DSCAM: variants seen among roughly 807,000 people sequenced by gnomAD.
The protein encoded by DSCAM is cell adhesion molecule DSCAM.
In DSCAM, 47 loss-of-function variants were observed where a neutral mutation model predicts 217.7. That is an observed-to-expected ratio of 0.22 (90% CI 0.17 to 0.28). The LOEUF is 0.28. Ranked by LOEUF, DSCAM falls within the 10% of genes least tolerant of loss-of-function variation. DSCAM has a pLI of 1.00. For synonymous variants in DSCAM, 1,056 were observed against 1,015.3 expected, an observed-to-expected ratio of 1.04 and a Z score of -0.76; for missense variants, 2,080 against 2,618.3, an observed-to-expected ratio of 0.79 and a Z score of 4.49.
At chr21:40,511,705 T>C (rs1197525184) in intron 3 of DSCAM, among the ~76,000 whole-genome samples, 1 of 152,102 alleles carries the variant, frequency 6.6e-6, no homozygotes, top group African/African-American at 2.4e-5. Context: ...ACAAAAAGTA[T>C]TCTCGGCCGG....
intron 3 of DSCAM, among the ~76,000 whole-genome samples, chr21:40,427,059 C>G (rs2075481552): frequency 6.6e-6 from 1 of 152,170 alleles, no homozygotes; most frequent in Admixed American, 6.5e-5. Context: ...TGTTCTGATT[C>G]CAGGCTCACC....
chr21:40,793,470 G>A (rs2091664865), intron 1 of DSCAM, among the ~76,000 whole-genome samples: 1 of 152,014 alleles, frequency 6.6e-6, no homozygotes, highest in Non-Finnish European at 1.5e-5. Flanking sequence ...CAAAAAATAT[G>A]AAATTGTTCT....
chr21:40,757,959 G>A (rs2091292203), intron 1 of DSCAM, among the ~76,000 whole-genome samples: 1 of 152,274 alleles, frequency 6.6e-6, no homozygotes, highest in African/African-American at 2.4e-5. Context: ...TAAGAACTTT[G>A]TAGATGTCAT....
At chr21:40,771,886 G>A (rs1448699139) in intron 1 of DSCAM, among the ~76,000 whole-genome samples, 4 of 151,674 alleles carry the variant, frequency 2.6e-5, no homozygotes, top group East Asian at 1.9e-4. Context: ...GGGAACGTGC[G>A]TATGTCGCAT....
intron 24 of DSCAM, among the ~76,000 whole-genome samples, chr21:40,083,519 C>T (rs775492365): frequency 2.0e-5 from 3 of 152,258 alleles, no homozygotes; most frequent in African/African-American, 4.8e-5. Flanking sequence ...TTTACATCTA[C>T]ACTTTAGGTC....
At chr21:40,828,179 G>A (rs757104297) in intron 1 of DSCAM, among the ~76,000 whole-genome samples, 2 of 152,156 alleles carry the variant, frequency 1.3e-5, no homozygotes, top group Non-Finnish European at 2.9e-5. Context: ...GAGGCGGGGG[G>A]ACTGTTTGAG....
At chr21:40,642,565 C>T (rs2089896214) in intron 3 of DSCAM, among the ~76,000 whole-genome samples, 1 of 152,030 alleles carries the variant, frequency 6.6e-6, no homozygotes, top group African/African-American at 2.4e-5. Flanking sequence ...ACAAGCTCTC[C>T]TGTAATTCTA....
intron 11 of DSCAM, among the ~76,000 whole-genome samples, chr21:40,254,203 AC>A (rs2047843975): frequency 6.6e-6 from 1 of 152,192 alleles, no homozygotes; most frequent in Non-Finnish European, 1.5e-5. Context: ...AAGATAAATG[AC>A]AGAGCCTTTG....
At chr21:40,667,153 G>A (rs1025353215) in intron 3 of DSCAM, among the ~76,000 whole-genome samples, 2 of 152,158 alleles carry the variant, frequency 1.3e-5, no homozygotes, top group African/African-American at 4.8e-5. Flanking sequence ...CCAAGTGAAA[G>A]CCACTTCCTG....
intron 27 of DSCAM, among the ~76,000 whole-genome samples, chr21:40,074,465 A>G (rs2089336338): frequency 6.6e-6 from 1 of 152,200 alleles, no homozygotes; most frequent in Non-Finnish European, 1.5e-5. Flanking sequence ...ACGGGGCTGG[A>G]CATTATAATC....
intron 16 of DSCAM, among the ~76,000 whole-genome samples, chr21:40,153,271 A>T (rs578045626): frequency 6.6e-6 from 1 of 152,310 alleles, no homozygotes; most frequent in East Asian, 1.9e-4. Context: ...GACACCTTTG[A>T]GTGAATCAGT....
intron 1 of DSCAM, among the ~76,000 whole-genome samples, chr21:40,738,284 AT>A (rs1362033609): frequency 2.6e-5 from 4 of 152,266 alleles, no homozygotes; most frequent in Non-Finnish European, 4.4e-5. Flanking sequence ...ATGCCAATGC[AT>A]GAAATTCTAA....
At chr21:40,173,502 C>T (rs1331990722) in intron 15 of DSCAM, among the ~76,000 whole-genome samples, 1 of 152,272 alleles carries the variant, frequency 6.6e-6, no homozygotes, top group Non-Finnish European at 1.5e-5. Flanking sequence ...CAAAAATCTA[C>T]AGAGGCAGAT....
rs547983113 is a variant in DSCAM, at chr21:40,144,344, G to A, written c.3259+147C>T. The A allele has an allele frequency of 6.8e-5, 90 of 1,326,600 alleles. 1 individual carries two copies. The African/African-American group carries it at 1.2e-3, about 17-fold the overall frequency. The allele number at this position is 1,326,600 out of a possible 1,614,324, so 82.2% of individuals were successfully genotyped here. A position where few individuals can be genotyped will look rare whatever the true frequency, so the allele number is the denominator to read the frequency against. ...TCAGCGGGGTGGGCGAGGTCACGAG[G>A]GAAGGCTTTTCCACCCGAGACCCCA... On this transcript the variant is annotated intron_variant, in intron 17 of 32. Transcript: ENST00000400454. The surrounding 1 kb of genome is among the most constrained non-coding windows in gnomAD (Gnocchi z 4.8).
intron 2 of DSCAM, among the ~76,000 whole-genome samples, chr21:40,697,101 C>T (rs1189992615): frequency 6.6e-6 from 1 of 152,102 alleles, no homozygotes; most frequent in African/African-American, 2.4e-5. Flanking sequence ...TCCACCATTC[C>T]ACTCTCCACC....
chr21:40,834,157 TG>T (rs1026151049), intron 1 of DSCAM, among the ~76,000 whole-genome samples: 1 of 151,964 alleles, frequency 6.6e-6, no homozygotes, highest in Non-Finnish European at 1.5e-5. Context: ...AAATAATAGT[TG>T]CCCAGTTTGG....
intron 9 of DSCAM, among the ~76,000 whole-genome samples, chr21:40,305,233 T>C (rs528882335): frequency 2.3e-4 from 35 of 151,594 alleles, no homozygotes; most frequent in African/African-American, 7.5e-4. Context: ...CTACTAAAAA[T>C]AAAAAAATTA....
At chr21:40,126,380 G>A (rs1184919853) in intron 19 of DSCAM, among the ~76,000 whole-genome samples, 2 of 151,944 alleles carry the variant, frequency 1.3e-5, no homozygotes, top group African/African-American at 2.4e-5. Flanking sequence ...GAAAGAAGAA[G>A]GCCGATCTAT....
chr21:40,300,710 C>T (rs1024055157), intron 9 of DSCAM, among the ~76,000 whole-genome samples: 1 of 152,228 alleles, frequency 6.6e-6, no homozygotes, highest in Non-Finnish European at 1.5e-5. Context: ...ATTATGAGGC[C>T]TGCTCTGTGC....
Sources: allele counts gnomAD v4.1 joint callset (sites outside exome capture counted in the v4.1 genomes callset), GRCh38; gene constraint gnomAD v4.1.1; non-coding constraint Gnocchi (gnomAD v3.1); transcripts MANE v1.5; gene names NCBI Gene and HGNC (gene_info 2026-07-23, HGNC 2026-07-21).